Variants in NAMPT observed in about 807,000 individuals in gnomAD.
NAMPT encodes nicotinamide phosphoribosyltransferase.
Under a neutral mutation model 58.7 loss-of-function variants are expected in NAMPT, and 7 were observed. The ratio of observed to expected loss-of-function variants is 0.12; its 90% CI spans 0.07 to 0.22. NAMPT has a LOEUF of 0.22. Ranked by LOEUF, NAMPT falls within the 10% of genes least tolerant of loss-of-function variation. The probability of loss-of-function intolerance (pLI) is 1.00; values close to 1 mark genes in which losing one functional copy is unlikely to be tolerated. For synonymous variants in NAMPT, 145 were observed against 198.1 expected, an observed-to-expected ratio of 0.73 and a Z score of 2.25; for missense variants, 271 against 567.9, an observed-to-expected ratio of 0.48 and a Z score of 5.31.
chr7:106,263,650 A>T (rs754314454), intron 6 of NAMPT, 33 bp from the exon 7 acceptor site: 1 of 1,504,156 alleles, frequency 6.6e-7, no homozygotes, highest in Admixed American at 1.7e-5. Context: ...AGATTTACTT[A>T]GGCAGACACT....
chr7:106,284,901 G>A lies in NAMPT; in HGVS notation c.-17C>T, dbSNP rs1792841360. 2.5e-5 allele frequency: 39 copies of A among 1,577,320 alleles called. No homozygotes were observed. Among genetic ancestry groups the A allele is most frequent in the Non-Finnish European group, 3.1e-5 (36 of 1,160,704 alleles). ...AGGATTCATCTCGGGCCGGAGGACA[G>A]GGGCCGCGCGCCGCGAGCTCCCTGG... On this transcript the variant is annotated 5_prime_UTR_variant, in exon 1 of 11. Transcript: ENST00000222553.
At chr7:106,278,242 A>C (rs538451273) in intron 1 of NAMPT, among the ~76,000 whole-genome samples, 3 of 152,328 alleles carry the variant, frequency 2.0e-5, no homozygotes, top group South Asian at 4.1e-4. Context: ...AGCTTAGTAC[A>C]AGAATCCTAA....
chr7:106,253,437 T>C (rs1465453271), intron 9 of NAMPT: 2 of 331,216 alleles, frequency 6.0e-6, no homozygotes, highest in Non-Finnish European at 1.1e-5. Context: ...TTCTAACATG[T>C]GACCCTTAAG....
chr7:106,264,940 C>G (rs912570665), intron 6 of NAMPT, among the ~76,000 whole-genome samples: 1 of 151,640 alleles, frequency 6.6e-6, no homozygotes, highest in African/African-American at 2.4e-5. Context: ...AATGGTATAC[C>G]TGGGGTAGTG....
chr7:106,250,931 C>T lies in NAMPT; in HGVS notation c.*152G>A. On this transcript the variant is annotated 3_prime_UTR_variant, in exon 11 of 11. Transcript: ENST00000222553. ...AATGCATTTCCTAATTTGAGATCAC[C>T]TAAACACTGGAAAAGAAAAAAAATG... 3 of 629,910 alleles carry T rather than the reference C, an allele frequency of 4.8e-6. No homozygotes were observed. Among genetic ancestry groups the T allele is most frequent in the South Asian group, 1.9e-5 (1 of 53,884 alleles). The allele number at this position is 629,910 out of a possible 1,614,324, so 39.0% of individuals were successfully genotyped here. A position where few individuals can be genotyped will look rare whatever the true frequency, so the allele number is the denominator to read the frequency against.
rs1350652602 is a variant in NAMPT at position 106,250,166 on chromosome 7, G to T, written c.*917C>A. ...TTAAGTCATACCAACTATAGAATAT[G>T]AAAAATAAATTCAGAAGTGTAATTA... On this transcript the variant is annotated 3_prime_UTR_variant, in exon 11 of 11. Transcript: ENST00000222553. 1 of 152,366 alleles carries T rather than the reference G, an allele frequency of 6.6e-6. No homozygotes were observed. Among genetic ancestry groups the T allele is most frequent in the Non-Finnish European group, 1.5e-5 (1 of 67,920 alleles). 9.4% of individuals were successfully genotyped at this position (152,366 alleles called of 1,614,324 possible).
chr7:106,267,599 TG>T (rs1792437979), intron 6 of NAMPT, among the ~76,000 whole-genome samples: 1 of 151,888 alleles, frequency 6.6e-6, no homozygotes, highest in African/African-American at 2.4e-5. Flanking sequence ...CCCAGCACTT[TG>T]GGAGGCCGAG....
At chr7:106,263,251 T>C (rs965105806) in intron 7 of NAMPT, 141 bp downstream of exon 7, 4 of 646,748 alleles carry the variant, frequency 6.2e-6, no homozygotes, top group African/African-American at 1.8e-5. Context: ...GCAAATCTAT[T>C]ACTCTCTCTG....
rs370383740 is a variant in NAMPT at position 106,249,134 on chromosome 7, ATG to A, written c.*1947_*1948del. 3.7e-3 allele frequency: 570 copies of A among 152,520 alleles called. 2 individuals are homozygous for A. Among genetic ancestry groups the A allele is most frequent in the Admixed American group, 5.2e-3 (79 of 15,250 alleles). 9.4% of individuals were successfully genotyped at this position (152,520 alleles called of 1,614,324 possible). A position where few individuals can be genotyped will look rare whatever the true frequency, so the allele number is the denominator to read the frequency against. ...GCCCCTTAGCACATTTTGTGAAGAA[ATG>A]TGTGTTTTTCTTAATACTACTCATC... On this transcript the variant is annotated 3_prime_UTR_variant, in exon 11 of 11. Coordinates refer to ENST00000222553, the MANE Select transcript of NAMPT (RefSeq NM_005746.3).
At chr7:106,277,277 T>C (rs1353808082) in intron 1 of NAMPT, 98 bp from the exon 2 acceptor site, 2 of 1,033,156 alleles carry the variant, frequency 1.9e-6, no homozygotes, top group Non-Finnish European at 2.8e-6. Flanking sequence ...AGAGAAACTA[T>C]ATTTCTTGTT....
chr7:106,275,093 T>C, intron 2 of NAMPT, 44 bp from the exon 3 acceptor site: 1 of 1,239,776 alleles, frequency 8.1e-7, no homozygotes, highest in Non-Finnish European at 1.2e-6. Flanking sequence ...AAAGGTGCAT[T>C]CTGTGAGTTG....
Position 106,250,921 on chromosome 7 carries a change from T to A in NAMPT, c.*162A>T. ...TACATGGTTAAATGCATTTCCTAAT[T>A]TGAGATCACCTAAACACTGGAAAAG... On this transcript the variant is annotated 3_prime_UTR_variant, in exon 11 of 11. Coordinates refer to ENST00000222553, the MANE Select transcript of NAMPT (RefSeq NM_005746.3). The A allele has an allele frequency of 1.6e-6, 1 of 609,500 alleles. No homozygotes were observed. Among genetic ancestry groups the A allele is most frequent in the South Asian group, 2.0e-5 (1 of 50,434 alleles). 37.8% of individuals were successfully genotyped at this position (609,500 alleles called of 1,614,324 possible).
rs1376102477 is a variant in NAMPT at position 106,284,810 on chromosome 7, C to T, written c.57+18G>A. Reference sequence around the variant, plus strand: ...GCGCGCCCCGCTCCTCCTCATCTGCCCGGGCCCCGAGCTTTACCTTGTAGG... The same window carrying T: ...GCGCGCCCCGCTCCTCCTCATCTGCTCGGGCCCCGAGCTTTACCTTGTAGG... On this transcript the variant is annotated intron_variant, in intron 1 of 10. Coordinates refer to ENST00000222553, the MANE Select transcript of NAMPT (RefSeq NM_005746.3). 1.3e-6 allele frequency: 2 copies of T among 1,523,292 alleles called. No homozygotes were observed. Among genetic ancestry groups the T allele is most frequent in the Non-Finnish European group, 1.8e-6 (2 of 1,129,886 alleles). 94.4% of individuals were successfully genotyped at this position (1,523,292 alleles called of 1,614,324 possible). A position where few individuals can be genotyped will look rare whatever the true frequency, so the allele number is the denominator to read the frequency against.
In NAMPT at chr7:106,249,113, C is replaced by T. The variant is rs1197799460; in HGVS notation, c.*1970G>A. 6.6e-6 allele frequency: 1 copy of T among 152,302 alleles called. No individual in the cohort carries two copies. The highest frequency in any genetic ancestry group is 1.5e-5 in the Non-Finnish European group (1 of 67,938). 9.4% of individuals were successfully genotyped at this position (152,302 alleles called of 1,614,324 possible). On this transcript the variant is annotated 3_prime_UTR_variant, in exon 11 of 11. Coordinates refer to ENST00000222553, the MANE Select transcript of NAMPT (RefSeq NM_005746.3). ...GTTTCTTTTGATTCTTTACACGCCC[C>T]TTAGCACATTTTGTGAAGAAATGTG... is the stretch of plus-strand genomic sequence containing the variant.
chr7:106,272,829 C>A (rs571653751), intron 3 of NAMPT, among the ~76,000 whole-genome samples, 171 bp from the exon 4 acceptor site: 1 of 152,256 alleles, frequency 6.6e-6, no homozygotes, highest in South Asian at 2.1e-4. Flanking sequence ...TAAAATAAAA[C>A]TAGTTAAAAT....
At chr7:106,276,088 T>C (rs1344897812) in intron 2 of NAMPT, 2 of 152,206 alleles carry the variant, frequency 1.3e-5, no homozygotes, top group African/African-American at 4.8e-5. Context: ...CACTAATAAT[T>C]ACTTCTGATA....
At chr7:106,282,483 C>T (rs969407634) in intron 1 of NAMPT, among the ~76,000 whole-genome samples, 2 of 152,164 alleles carry the variant, frequency 1.3e-5, no homozygotes, top group African/African-American at 2.4e-5. Flanking sequence ...ATGGATAATG[C>T]GGTTTAAACG....
At chr7:106,284,248 G>A (rs1193000598) in intron 1 of NAMPT, 1 of 152,106 alleles carries the variant, frequency 6.6e-6, no homozygotes, top group Non-Finnish European at 1.5e-5. Flanking sequence ...TACGGCTACC[G>A]GGGCCAGGCG....
chr7:106,251,865 C>T (rs544249850), intron 10 of NAMPT, among the ~76,000 whole-genome samples: 1 of 152,168 alleles, frequency 6.6e-6, no homozygotes, highest in African/African-American at 2.4e-5. Context: ...TCTGGTAGAG[C>T]CACTCCTGTC....
Sources: gnomAD v4.1 joint callset for allele counts (sites outside exome capture counted in the v4.1 genomes callset) on GRCh38, gnomAD v4.1.1 for gene constraint, MANE v1.5 for transcripts, NCBI Gene and HGNC (gene_info 2026-07-23, HGNC 2026-07-21) for gene names.